Variants in OPA1 observed in about 807,000 individuals in gnomAD.
OPA1 encodes the protein OPA1 mitochondrial dynamin like GTPase, also known as dynamin-like GTPase OPA1, mitochondrial.
In OPA1, 59 loss-of-function variants were observed where a neutral mutation model predicts 152.9. The ratio of observed to expected loss-of-function variants is 0.39; its 90% confidence interval spans 0.31 to 0.48. The LOEUF is 0.48. Ranked by LOEUF, OPA1 falls within the 20% of genes least tolerant of loss-of-function variation. The probability of loss-of-function intolerance (pLI) is 0.96; values close to 1 mark genes in which losing one functional copy is unlikely to be tolerated. For synonymous variants in OPA1, 400 were observed against 389.9 expected (o/e 1.03, Z -0.31); for missense variants, 1,008 against 1,216.8 (o/e 0.83, Z 2.55).
At chr3:193,625,223 T>C (rs1296908739) in intron 6 of OPA1, among the ~76,000 whole-genome samples, 2 of 152,174 alleles carry the variant, frequency 1.3e-5, no homozygotes, top group Admixed American at 6.5e-5. Context: ...CAATATACTA[T>C]TTTATAATTA....
intron 26 of OPA1, 131 bp from the exon 27 acceptor site, chr3:193,664,749 T>C: frequency 7.8e-6 from 5 of 644,522 alleles, no homozygotes; most frequent in Non-Finnish European, 8.3e-6. Context: ...TGAATAACTA[T>C]GTAAAGAATA....
At chr3:193,692,225 C>A in intron 30 of OPA1, 93 bp downstream of exon 30, 1 of 729,142 alleles carries the variant, frequency 1.4e-6, no homozygotes, top group Non-Finnish European at 2.4e-6. Context: ...TTACATCCTG[C>A]TTGTCACTTA....
intron 1 of OPA1, among the ~76,000 whole-genome samples, chr3:193,610,312 G>A (rs1426341759): frequency 6.6e-6 from 1 of 152,204 alleles, no homozygotes; most frequent in African/African-American, 2.4e-5. Flanking sequence ...TCCAGACCAT[G>A]TTTGCCTGGG....
intron 2 of OPA1, 88 bp downstream of exon 2, chr3:193,615,129 A>G: frequency 7.8e-6 from 8 of 1,028,246 alleles, no homozygotes; most frequent in Non-Finnish European, 9.1e-6. Flanking sequence ...GTGGAATACA[A>G]TTGGATGTTT....
chr3:193,632,748 G>A (rs988674132), intron 8 of OPA1, among the ~76,000 whole-genome samples: 1 of 152,014 alleles, frequency 6.6e-6, no homozygotes. Context: ...GGTTGTGCCT[G>A]TAGTCCCAGC....
At chr3:193,671,855 C>T (rs1004522448) in intron 29 of OPA1, among the ~76,000 whole-genome samples, 7 of 152,170 alleles carry the variant, frequency 4.6e-5, no homozygotes, top group African/African-American at 1.7e-4. Context: ...AGAACATCAT[C>T]CCTGAAGACG....
At chr3:193,618,371 G>A (rs540441127) in intron 5 of OPA1, among the ~76,000 whole-genome samples, 1 of 151,898 alleles carries the variant, frequency 6.6e-6, no homozygotes, top group East Asian at 1.9e-4. Flanking sequence ...CTAGCTACTC[G>A]GGAGGCTGAG....
chr3:193,604,148 G>A (rs1726874073), intron 1 of OPA1, among the ~76,000 whole-genome samples: 1 of 152,210 alleles, frequency 6.6e-6, no homozygotes. Flanking sequence ...TAAACAATTA[G>A]GATATGCCTT....
chr3:193,688,824 A>C (rs1191635634), intron 29 of OPA1, among the ~76,000 whole-genome samples: 3 of 152,024 alleles, frequency 2.0e-5, no homozygotes, highest in African/African-American at 7.2e-5. Context: ...TTGACAAAAA[A>C]AATTGTTTTA....
In OPA1 at chr3:193,638,041, G is replaced by C; in HGVS notation, c.1125G>C (p.Glu375Asp). The C allele has an allele frequency of 6.2e-7, 1 of 1,613,560 alleles. No homozygotes were observed. The highest frequency in any genetic ancestry group is 8.5e-7 in the Non-Finnish European group (1 of 1,179,456). Residue 375 changes from glutamate to aspartate, a missense_variant, in exon 11 of 31, where the codon GAG becomes GAC. Around this residue, in one of 7 missense-constraint regions of OPA1, gnomAD observed 213 missense variants for 291.4 expected, o/e 0.73. Transcript: ENST00000361510. ...GAATATTCCCAAGAGGATCTGGGGA[G>C]ATGATGACACGTTCTCCAGTTAAGG... ...QARIFPRGSGEMMTRSPVKVT... is the reference protein window; with the variant it reads ...QARIFPRGSGDMMTRSPVKVT...
chr3:193,617,314 A>T (rs996070219), intron 4 of OPA1, 29 bp downstream of exon 4: 1 of 1,376,110 alleles, frequency 7.3e-7, no homozygotes, highest in African/African-American at 1.4e-5. Flanking sequence ...GATCTAATTT[A>T]AAAATTTAAG....
chr3:193,629,771 C>T (rs774158436), intron 7 of OPA1, among the ~76,000 whole-genome samples: 1 of 151,864 alleles, frequency 6.6e-6, no homozygotes, highest in Non-Finnish European at 1.5e-5. Context: ...TTTTATAGCC[C>T]TTGGCTTATA....
chr3:193,684,152 G>A (rs554697791), intron 29 of OPA1, among the ~76,000 whole-genome samples: 1 of 152,192 alleles, frequency 6.6e-6, no homozygotes, highest in African/African-American at 2.4e-5. Flanking sequence ...TGAATCTAAT[G>A]GCTACACATA....
chr3:193,653,819 T>C (rs1713113079), intron 21 of OPA1, among the ~76,000 whole-genome samples: 1 of 152,170 alleles, frequency 6.6e-6, no homozygotes, highest in South Asian at 2.1e-4. Flanking sequence ...CTCAGAATTA[T>C]TAGTCATTAG....
intron 29 of OPA1, among the ~76,000 whole-genome samples, chr3:193,676,979 CAAAAAAA>C (rs151218523): frequency 1.4e-4 from 10 of 70,836 alleles, no homozygotes; most frequent in Admixed American, 1.8e-4. Context: ...AGACTCGTCT[CAAAAAAA>C]AAAAAAAAAA....
chr3:193,617,354 T>A, intron 4 of OPA1, 69 bp downstream of exon 4: 1 of 874,022 alleles, frequency 1.1e-6, no homozygotes, highest in Admixed American at 2.2e-5. Context: ...ATGGATTATT[T>A]GTTTATTCCC....
At chr3:193,650,728 A>G (rs1470739524) in intron 21 of OPA1, among the ~76,000 whole-genome samples, 1 of 152,188 alleles carries the variant, frequency 6.6e-6, no homozygotes, top group Admixed American at 6.5e-5. Flanking sequence ...AATACATTAT[A>G]GTAGGAAATA....
At chr3:193,609,086 C>T (rs994305737) in intron 1 of OPA1, among the ~76,000 whole-genome samples, 11 of 152,042 alleles carry the variant, frequency 7.2e-5, no homozygotes, top group Non-Finnish European at 1.6e-4. Context: ...TTATTTTGAG[C>T]CTATGTGTGA....
intron 29 of OPA1, among the ~76,000 whole-genome samples, chr3:193,682,793 T>G (rs1720353388): frequency 6.6e-6 from 1 of 152,200 alleles, no homozygotes; most frequent in African/African-American, 2.4e-5. Flanking sequence ...TCATTGACAA[T>G]GCATCTGGTC....
Sources: gnomAD v4.1 joint callset for allele counts (sites outside exome capture counted in the v4.1 genomes callset) on GRCh38, gnomAD v4.1.1 for gene constraint, gnomAD v4.1.1 regional missense constraint, MANE v1.5 for transcripts, NCBI Gene and HGNC (gene_info 2026-07-23, HGNC 2026-07-21) for gene names.